The following SMC4 variants were observed in gnomAD, a reference collection of about 807,000 sequenced individuals.
SMC4 encodes the protein structural maintenance of chromosomes protein 4.
Under a neutral mutation model 145.6 loss-of-function variants are expected in SMC4, and 87 were observed. That is an observed-to-expected ratio of 0.60 (90% CI 0.50 to 0.71). The LOEUF is 0.71. SMC4 is among the 30% of genes least tolerant of loss of function. The probability of loss-of-function intolerance (pLI) is 0.00; values close to 1 mark genes in which losing one functional copy is unlikely to be tolerated. For synonymous variants in SMC4, 558 were observed against 500.7 expected (o/e 1.11, Z -1.53); for missense variants, 1,447 against 1,537.1 (o/e 0.94, Z 0.98).
intron 18 of SMC4, 98 bp downstream of exon 18, chr3:160,429,040 T>G: frequency 9.7e-7 from 1 of 1,031,772 alleles, no homozygotes; most frequent in East Asian, 2.7e-5. Context: ...TTTCTCTTAC[T>G]GTTAATTTAT....
chr3:160,431,123 C>G lies in SMC4; in HGVS notation c.3032C>G (p.Ala1011Gly). 6.2e-7 allele frequency: 1 copy of G among 1,606,644 alleles called. No individual in the cohort carries two copies. Among genetic ancestry groups the G allele is most frequent in the Non-Finnish European group, 8.5e-7 (1 of 1,177,702 alleles). ...QENEHALQKD[A>G]LSIKLKLEQI... ...AATGAACATGCTCTTCAAAAAGATGCACTTAGTATTAAGTTGAAACTTGAA... is the reference window on the plus strand; with the variant it reads ...AATGAACATGCTCTTCAAAAAGATGGACTTAGTATTAAGTTGAAACTTGAA... Residue 1011 changes from alanine to glycine, a missense_variant, in exon 20 of 24, where the codon GCA becomes GGA. Coordinates refer to ENST00000357388, the MANE Select transcript of SMC4 (RefSeq NM_001002800.3).
At chr3:160,410,089 A>AT (rs978719837) in intron 5 of SMC4, among the ~76,000 whole-genome samples, 2 of 152,160 alleles carry the variant, frequency 1.3e-5, no homozygotes, top group African/African-American at 4.8e-5. Flanking sequence ...AAAATAATAA[A>AT]TGAGTGAACA....
chr3:160,427,122 A>T (rs927905668), intron 17 of SMC4, among the ~76,000 whole-genome samples: 1 of 152,228 alleles, frequency 6.6e-6, no homozygotes, highest in African/African-American at 2.4e-5. Flanking sequence ...GTCTGTGTTT[A>T]TCTGCATTTC....
At chr3:160,433,617 G>GT (rs762048429) in intron 23 of SMC4, 40 bp from the exon 24 acceptor site, 2 of 1,289,948 alleles carry the variant, frequency 1.6e-6, no homozygotes, top group Non-Finnish European at 2.1e-6. Context: ...TGATTTACCT[G>GT]TTATTACTTA....
At position 160,424,974 on chromosome 3, in the gene SMC4, A is replaced by G. The variant is rs1391389732; in HGVS notation, c.2433A>G (p.Glu811=). 1 of 1,613,316 alleles carries G rather than the reference A, an allele frequency of 6.2e-7. No homozygotes were observed. Among genetic ancestry groups the G allele is most frequent in the African/African-American group, 1.3e-5 (1 of 74,758 alleles). Residue 811 remains glutamate, a synonymous_variant, in exon 16 of 24, where the codon GAA becomes GAG. Transcript: ENST00000357388. ...GAGTAGTTAAGTTACGGCATAGTGA[A>G]CGAGAAATGAGGAACACACTAGAAA... ...EERVVKLRHS[E]REMRNTLEKF... is the part of the protein sequence containing the mutation.
At chr3:160,405,319 G>GAA (rs34753335) in intron 5 of SMC4, among the ~76,000 whole-genome samples, 57,943 of 148,026 alleles carry the variant, frequency 0.39, 11,888 homozygotes, top group Non-Finnish European at 0.47. Context: ...GAATTTTTCG[G>GAA]AAAAAAAAAA....
chr3:160,416,355 A>G lies in SMC4; in HGVS notation c.1377A>G (p.Lys459=), dbSNP rs142204279. The change falls in exon 10 of 24, where the codon AAA becomes AAG. Residue 459 remains lysine, a synonymous_variant. Transcript: ENST00000357388. ...LEKEKEKEEK[K]LKEVMDSLKQ... ...AGGAAAAAGAGAAAGAAGAAAAAAAATTAAAGGAAGTTATGGATAGCCTTA... is the reference window on the plus strand; with the variant it reads ...AGGAAAAAGAGAAAGAAGAAAAAAAGTTAAAGGAAGTTATGGATAGCCTTA... 2.9e-4 allele frequency: 458 copies of G among 1,604,926 alleles called. No homozygotes were observed. The highest frequency in any genetic ancestry group is 8.3e-5 in the Non-Finnish European group (97 of 1,175,700).
At chr3:160,424,538 G>A (rs531014348) in intron 15 of SMC4, among the ~76,000 whole-genome samples, 23 of 152,286 alleles carry the variant, frequency 1.5e-4, no homozygotes, top group Non-Finnish European at 3.1e-4. Context: ...GCTGGGCGCG[G>A]TGGCTCACAC....
At chr3:160,431,582 A>T in intron 20 of SMC4, 61 bp from the exon 21 acceptor site, 6 of 1,221,528 alleles carry the variant, frequency 4.9e-6, no homozygotes, top group South Asian at 1.5e-5. Flanking sequence ...ATTTTTTTTT[A>T]AACAATGAAT....
In SMC4 at chr3:160,404,393, T is replaced by G. The variant is rs1715068606; in HGVS notation, c.576T>G (p.Asp192Glu). ...NFYVSRTACR[D>E]NTSVYHISGK... is the part of the protein sequence containing the mutation. ...ATGTATCCAGAACGGCCTGCAGAGA[T>G]AATACTTCTGTCTATCACATAAGTG... The change falls in exon 5 of 24, where the codon GAT (aspartate) becomes GAG (glutamate). Residue 192 changes from aspartate to glutamate, a missense_variant. Physicochemically the swap from Asp to Glu is conservative, Grantham distance 45. Coordinates refer to ENST00000357388, the MANE Select transcript of SMC4 (RefSeq NM_001002800.3). The G allele has an allele frequency of 6.2e-7, 1 of 1,611,050 alleles. No individual in the cohort carries two copies. Among genetic ancestry groups the G allele is most frequent in the Admixed American group, 1.7e-5 (1 of 59,334 alleles).
intron 16 of SMC4, among the ~76,000 whole-genome samples, chr3:160,425,269 T>C (rs1717672012): frequency 6.6e-6 from 1 of 152,188 alleles, no homozygotes; most frequent in Admixed American, 6.5e-5. Flanking sequence ...ATTACTTTCC[T>C]TAACAACTAT....
At chr3:160,400,270 G>C (rs1342154061) in intron 1 of SMC4, 1 of 152,414 alleles carries the variant, frequency 6.6e-6, no homozygotes, top group Admixed American at 6.5e-5. Context: ...GGGAGACTTC[G>C]TTATGCCCCG....
intron 8 of SMC4, 78 bp downstream of exon 8, chr3:160,413,691 G>A: frequency 1.2e-6 from 1 of 855,090 alleles, no homozygotes; most frequent in Non-Finnish European, 1.7e-6. Context: ...GTTACTTCTA[G>A]CACATTGTGA....
chr3:160,423,484 A>T lies in SMC4; in HGVS notation c.2079A>T (p.Leu693Phe). ...EIQTPENTPR[L>F]FDLVKVKDEK... ...AAACTCCTGAAAATACTCCTCGTTT[A>T]TTTGATTTAGTAAAAGTAAAAGATG... is the stretch of plus-strand genomic sequence containing the variant. The change falls in exon 14 of 24, where the codon TTA (leucine) becomes TTT (phenylalanine). Residue 693 changes from leucine to phenylalanine, a missense_variant. By Grantham distance (22) the Leu-to-Phe change is conservative. Transcript: ENST00000357388. 2 of 1,611,900 alleles carry T rather than the reference A, an allele frequency of 1.2e-6. No individual in the cohort carries two copies. The highest frequency in any genetic ancestry group is 1.7e-6 in the Non-Finnish European group (2 of 1,179,394).
At chr3:160,428,269 C>G (rs1322927040) in intron 17 of SMC4, among the ~76,000 whole-genome samples, 1 of 152,212 alleles carries the variant, frequency 6.6e-6, no homozygotes, top group Admixed American at 6.5e-5. Flanking sequence ...GAAATGTTAA[C>G]TTTTACTCTT....
At chr3:160,409,136 C>T (rs80129959) in intron 5 of SMC4, among the ~76,000 whole-genome samples, 1 of 150,788 alleles carries the variant, frequency 6.6e-6, no homozygotes, top group African/African-American at 2.4e-5. Context: ...CATGGTGGCG[C>T]GTGCCTGTAG....
intron 12 of SMC4, among the ~76,000 whole-genome samples, chr3:160,419,953 A>G (rs1020983373): frequency 6.7e-6 from 1 of 148,474 alleles, no homozygotes; most frequent in Non-Finnish European, 1.5e-5. Context: ...AATGAAAATT[A>G]AAAAAAATTT....
At chr3:160,402,628 A>T in intron 3 of SMC4, 48 bp from the exon 4 acceptor site, 1 of 1,561,528 alleles carries the variant, frequency 6.4e-7, no homozygotes, top group Non-Finnish European at 8.6e-7. Context: ...TAGTATTAGC[A>T]TGACCTTATG....
At chr3:160,405,641 T>C (rs1341338033) in intron 5 of SMC4, among the ~76,000 whole-genome samples, 1 of 152,054 alleles carries the variant, frequency 6.6e-6, no homozygotes, top group Non-Finnish European at 1.5e-5. Flanking sequence ...ATATCTTTTG[T>C]TACCAGGCAC....
Sources: gnomAD v4.1 joint callset for allele counts (sites outside exome capture counted in the v4.1 genomes callset) on GRCh38, gnomAD v4.1.1 for gene constraint, MANE v1.5 for transcripts, NCBI Gene and HGNC (gene_info 2026-07-23, HGNC 2026-07-21) for gene names.